The following FAM171B variants were observed in gnomAD, a reference collection of about 807,000 sequenced individuals.
The protein encoded by FAM171B is family with sequence similarity 171 member B.
In FAM171B, 19 loss-of-function variants were observed where a neutral mutation model predicts 75.6. The ratio of observed to expected loss-of-function variants is 0.25; its 90% CI spans 0.18 to 0.37. The LOEUF is 0.37. Among genes scored for constraint, FAM171B ranks in the 10% least tolerant of loss-of-function variants. The probability of loss-of-function intolerance (pLI) is 1.00; values close to 1 mark genes in which losing one functional copy is unlikely to be tolerated. For missense variants in FAM171B, 848 were observed against 982.4 expected (o/e 0.86, Z 1.83); for synonymous variants, 367 against 361.7 (o/e 1.01, Z -0.17).
At chr2:186,748,201 G>T (rs1445782781) in intron 4 of FAM171B, among the ~76,000 whole-genome samples, 1 of 151,974 alleles carries the variant, frequency 6.6e-6, no homozygotes, top group African/African-American at 2.4e-5. Context: ...GGGATTACAG[G>T]CATGAGCCAC....
Position 186,761,982 on chromosome 2 carries a change from T to G in FAM171B, c.1640T>G (p.Leu547Arg). The G allele has an allele frequency of 6.2e-7, 1 of 1,613,488 alleles. No homozygotes were observed. The highest frequency in any genetic ancestry group is 1.3e-5 in the African/African-American group (1 of 74,992). Residue 547 changes from leucine to arginine, a missense_variant, in exon 8 of 8, where the codon CTT becomes CGT. Leu to Arg is a moderately radical substitution (Grantham distance 102). Around this residue, in one of 3 missense-constraint regions of FAM171B, gnomAD observed 665 missense variants for 729.0 expected, o/e 0.91. Coordinates refer to ENST00000304698, the MANE Select transcript of FAM171B (RefSeq NM_177454.4). The stretch of plus-strand genomic sequence containing the variant: ...ATTGCCATCCTTCAAACATCTGACC[T>G]TTTCTCCACACCGGAACAATTACAT... Reference protein sequence around the residue: ...QPIAILQTSDLFSTPEQLHTA... With the variant: ...QPIAILQTSDRFSTPEQLHTA...
In FAM171B at chr2:186,765,937, TAATAA is replaced by T. The variant is rs1559096149; in HGVS notation, c.*3121_*3125del. Reference sequence around the variant, plus strand: ...AATGTTAAACATAGTTCATTAAAAATAATAAAATAAATCTAAAATGTACTTGGAGC... The same window carrying T: ...AATGTTAAACATAGTTCATTAAAAATAATAAATCTAAAATGTACTTGGAGC... On this transcript the variant is annotated 3_prime_UTR_variant, in exon 8 of 8. Transcript: ENST00000304698. 4.6e-5 allele frequency: 7 copies of T among 152,240 alleles called. No individual in the cohort carries two copies. The highest frequency in any genetic ancestry group is 9.6e-5 in the African/African-American group (4 of 41,576). The allele number at this position is 152,240 out of a possible 1,614,324, so 9.4% of individuals were successfully genotyped here.
In FAM171B at chr2:186,761,378, A is replaced by G. The variant is rs74597317; in HGVS notation, c.1137-101A>G. On this transcript the variant is annotated intron_variant, in intron 7 of 7. Transcript: ENST00000304698. The stretch of plus-strand genomic sequence containing the variant: ...TTATTTTTAATCTACATATCTCACA[A>G]TAGCATTGCATGTATGATATGTAGA... The G allele has an allele frequency of 2.9e-3, 4,176 of 1,425,278 alleles. 80 individuals carry two copies. The African/African-American group carries it at 0.044, about 15-fold the overall frequency. 88.3% of individuals were successfully genotyped at this position (1,425,278 alleles called of 1,614,324 possible). A position where few individuals can be genotyped will look rare whatever the true frequency, so the allele number is the denominator to read the frequency against.
At chr2:186,707,334 T>A (rs750296058) in intron 1 of FAM171B, among the ~76,000 whole-genome samples, 8 of 151,928 alleles carry the variant, frequency 5.3e-5, no homozygotes, top group Non-Finnish European at 1.2e-4. Context: ...CGTTTAGGAG[T>A]CTACTTTCTA....
At chr2:186,702,851 T>A (rs1189102452) in intron 1 of FAM171B, among the ~76,000 whole-genome samples, 1 of 152,112 alleles carries the variant, frequency 6.6e-6, no homozygotes, top group Non-Finnish European at 1.5e-5. Context: ...ACACCAAAAG[T>A]AAGATTTAAA....
At chr2:186,705,195 A>G (rs1372071512) in intron 1 of FAM171B, among the ~76,000 whole-genome samples, 3 of 152,214 alleles carry the variant, frequency 2.0e-5, no homozygotes, top group Non-Finnish European at 4.4e-5. Context: ...AGTCATATTT[A>G]TACTTACTTT....
rs1374635060 is a variant in FAM171B, at chr2:186,694,207, C to T, written c.34C>T (p.Leu12=). ...GCTCTGCCGGCGTGTCCCCTGCACC[C>T]TGCTTCTCGGCCTGGCCGTGGTGCT... The part of the protein sequence containing the change: ...ARLCRRVPCT[L]LLGLAVVLLK... Residue 12 remains leucine (L), a synonymous_variant, in exon 1 of 8, where the codon CTG becomes TTG. Coordinates refer to ENST00000304698, the MANE Select transcript of FAM171B (RefSeq NM_177454.4). The T allele has an allele frequency of 2.5e-6, 4 of 1,607,720 alleles. No individual in the cohort carries two copies. The Admixed American group carries it at 5.0e-5, about 20-fold the overall frequency.
intron 1 of FAM171B, among the ~76,000 whole-genome samples, chr2:186,718,251 G>T (rs1363381848): frequency 6.6e-6 from 1 of 152,142 alleles, no homozygotes; most frequent in East Asian, 1.9e-4. Flanking sequence ...GTACCAAAAA[G>T]GTCTTGTCAC....
At chr2:186,731,434 TC>T (rs1410127668) in intron 1 of FAM171B, among the ~76,000 whole-genome samples, 1 of 152,182 alleles carries the variant, frequency 6.6e-6, no homozygotes, top group Non-Finnish European at 1.5e-5. Context: ...GTAACTGTAT[TC>T]ACATTTTGAG....
chr2:186,716,499 T>C (rs1180633881), intron 1 of FAM171B, among the ~76,000 whole-genome samples: 2 of 152,218 alleles, frequency 1.3e-5, no homozygotes, highest in Admixed American at 6.5e-5. Context: ...TAACATCATG[T>C]TTGAAGGACT....
intron 1 of FAM171B, among the ~76,000 whole-genome samples, chr2:186,715,243 C>T (rs558198558): frequency 1.1e-4 from 17 of 152,044 alleles, no homozygotes; most frequent in Non-Finnish European, 2.1e-4. Flanking sequence ...GCTCTGTCAA[C>T]CAGGTTGAAG....
chr2:186,699,676 A>G (rs1689629805), intron 1 of FAM171B, among the ~76,000 whole-genome samples: 1 of 152,088 alleles, frequency 6.6e-6, no homozygotes, highest in Admixed American at 6.5e-5. Flanking sequence ...CTTGTAGGGT[A>G]TTACTCAATA....
At chr2:186,707,303 T>A (rs934753471) in intron 1 of FAM171B, among the ~76,000 whole-genome samples, 2 of 152,192 alleles carry the variant, frequency 1.3e-5, no homozygotes, top group Admixed American at 1.3e-4. Flanking sequence ...TCTACACTCC[T>A]CTTCATCTAT....
intron 1 of FAM171B, among the ~76,000 whole-genome samples, chr2:186,703,710 T>G (rs1424237274): frequency 6.6e-6 from 1 of 152,178 alleles, no homozygotes; most frequent in Non-Finnish European, 1.5e-5. Context: ...AAATTATGGC[T>G]CAGTATAATT....
chr2:186,744,347 A>G (rs942181158), intron 3 of FAM171B, among the ~76,000 whole-genome samples: 5 of 152,180 alleles, frequency 3.3e-5, no homozygotes, highest in African/African-American at 1.2e-4. Context: ...TCTCTGTGAA[A>G]GTTCTTTTCA....
chr2:186,745,588 G>T (rs554940400), intron 3 of FAM171B, among the ~76,000 whole-genome samples: 3 of 152,168 alleles, frequency 2.0e-5, no homozygotes, highest in Non-Finnish European at 4.4e-5. Flanking sequence ...TCATAATGAT[G>T]TTAAATCTTT....
intron 1 of FAM171B, among the ~76,000 whole-genome samples, chr2:186,728,270 A>G (rs1490026055): frequency 1.3e-5 from 2 of 152,232 alleles, no homozygotes; most frequent in African/African-American, 4.8e-5. Context: ...AAATTGTGTT[A>G]GATACTATAG....
chr2:186,748,593 T>C (rs938710578), intron 4 of FAM171B, among the ~76,000 whole-genome samples: 29 of 152,200 alleles, frequency 1.9e-4, no homozygotes, highest in African/African-American at 7.0e-4. Flanking sequence ...TTGGTGTGGC[T>C]AGGACAACTC....
chr2:186,705,776 C>G (rs1332743008), intron 1 of FAM171B, among the ~76,000 whole-genome samples: 1 of 152,094 alleles, frequency 6.6e-6, no homozygotes, highest in Non-Finnish European at 1.5e-5. Flanking sequence ...GGCTCTAAAC[C>G]CTTAAAAGAT....
Sources: gnomAD v4.1 joint callset for allele counts (sites outside exome capture counted in the v4.1 genomes callset) on GRCh38, gnomAD v4.1.1 for gene constraint, gnomAD v4.1.1 regional missense constraint, MANE v1.5 for transcripts, NCBI Gene and HGNC (gene_info 2026-07-23, HGNC 2026-07-21) for gene names.